The following INTS3 variants were observed in gnomAD, a reference collection of about 807,000 sequenced individuals.
The protein encoded by INTS3 is SOSS complex subunit A.
INTS3 carries 34 observed loss-of-function variants against 146.3 expected under a neutral mutation model. The observed-to-expected ratio is 0.23, with a 90% CI of 0.18 to 0.31. The LOEUF is 0.31. INTS3 is among the 10% of genes least tolerant of loss of function. The pLI is 1.00. For missense variants in INTS3, 757 were observed against 1,304.2 expected, an observed-to-expected ratio of 0.58 and a Z score of 6.46; for synonymous variants, 475 against 494.9, an observed-to-expected ratio of 0.96 and a Z score of 0.53.
At chr1:153,752,143 C>T (rs911921402) in intron 7 of INTS3, 136 bp from the exon 8 acceptor site, 8 of 896,778 alleles carry the variant, frequency 8.9e-6, no homozygotes, top group South Asian at 7.1e-5. Flanking sequence ...CCTTTGGTTC[C>T]AGAAGAAATC....
rs1385828293 is a variant in INTS3 at position 153,744,033 on chromosome 1, A to ATGTGTGTGTG, written c.318+2669_318+2670insTGTGTGTGTG. Among the ~76,000 whole-genome samples the ATGTGTGTGTG allele has an allele frequency of 3.5e-4, 36 of 102,408 alleles. 1 individual carries two copies. Among genetic ancestry groups the ATGTGTGTGTG allele is most frequent in the African/African-American group, 1.4e-3 (35 of 25,494 alleles). 67.2% of individuals were successfully genotyped at this position (102,408 alleles called of 152,430 possible). A position where few individuals can be genotyped will look rare whatever the true frequency, so the allele number is the denominator to read the frequency against. ...TCTCTTTTCCTCACTGAGGGTGTGCATGTGCGTGTGTGTGTGTGTGTGTGT... is the reference window on the plus strand; with the variant it reads ...TCTCTTTTCCTCACTGAGGGTGTGCATGTGTGTGTGTGTGCGTGTGTGTGTGTGTGTGTGT... On this transcript the variant is annotated intron_variant, in intron 3 of 29. Coordinates refer to ENST00000318967, the MANE Select transcript of INTS3 (RefSeq NM_023015.5).
intron 21 of INTS3, 27 bp downstream of exon 21, chr1:153,767,854 C>CG (rs764855970): frequency 3.8e-6 from 6 of 1,574,704 alleles, no homozygotes; most frequent in African/African-American, 1.3e-5. Context: ...GTATCTGTGC[C>CG]GGGGGGCTCA....
At chr1:153,768,378 C>G (rs956021934) in intron 21 of INTS3, among the ~76,000 whole-genome samples, 2 of 152,188 alleles carry the variant, frequency 1.3e-5, no homozygotes, top group Non-Finnish European at 2.9e-5. Flanking sequence ...CAGCCGAGTA[C>G]TGGAGGGAGG....
At position 153,772,578 on chromosome 1, in the gene INTS3, T is replaced by C; in HGVS notation, c.2822-61T>C. The C allele has an allele frequency of 6.2e-7, 1 of 1,613,008 alleles. No individual in the cohort carries two copies. The highest frequency in any genetic ancestry group is 1.1e-5 in the South Asian group (1 of 90,978). The stretch of plus-strand genomic sequence containing the variant: ...GGATAAAACAACCTGTGCGTGCTGT[T>C]TAATAAGCTCCCAGACATCTGATTG... On this transcript the variant is annotated intron_variant, in intron 27 of 29. Coordinates refer to ENST00000318967, the MANE Select transcript of INTS3 (RefSeq NM_023015.5). This position sits in a 1 kb window ranked among gnomAD's most constrained non-coding sequence, Gnocchi z 4.6.
In INTS3 at chr1:153,746,985, G is replaced by A. The variant is rs769418464; in HGVS notation, c.347G>A (p.Arg116His). The part of the protein sequence containing the change: ...KCYRDLALVS[R>H]DGMNIVLNKI... ...TACCGGGACTTAGCTCTGGTGAGTC[G>A]TGATGGCATGAATATTGTCCTGAAT... is the stretch of plus-strand genomic sequence containing the variant. Residue 116 changes from arginine to histidine, a missense_variant, in exon 4 of 30, where the codon CGT (arginine) becomes CAT (histidine). Around this residue, in one of 8 missense-constraint regions of INTS3, gnomAD observed 160 missense variants for 193.7 expected, o/e 0.83. Transcript: ENST00000318967. The A allele has an allele frequency of 1.7e-5, 28 of 1,613,594 alleles. No homozygotes were observed. Among genetic ancestry groups the A allele is most frequent in the Admixed American group, 3.3e-5 (2 of 59,978 alleles).
At chr1:153,754,222 T>C (rs1450873906) in intron 8 of INTS3, among the ~76,000 whole-genome samples, 2 of 152,178 alleles carry the variant, frequency 1.3e-5, no homozygotes, top group Non-Finnish European at 2.9e-5. Flanking sequence ...TGAGCTACAA[T>C]AGGATCTGGA....
intron 1 of INTS3, among the ~76,000 whole-genome samples, chr1:153,732,157 CCTT>C (rs1286795510): frequency 6.6e-6 from 1 of 152,024 alleles, no homozygotes; most frequent in Non-Finnish European, 1.5e-5. Context: ...CCTGCCTTGG[CCTT>C]CCAAATTGCT....
rs1012625990 is a variant in INTS3 at position 153,763,722 on chromosome 1, T to C, written c.1767-110T>C. ...AAGCTGGGATTTTACACAGAGCTCCTTTGTTTTGTCTCTGTGCATGTGAGT... is the reference window on the plus strand; with the variant it reads ...AAGCTGGGATTTTACACAGAGCTCCCTTGTTTTGTCTCTGTGCATGTGAGT... On this transcript the variant is annotated intron_variant, in intron 16 of 29. Coordinates refer to ENST00000318967, the MANE Select transcript of INTS3 (RefSeq NM_023015.5). 9.4e-6 allele frequency: 9 copies of C among 955,702 alleles called. No individual in the cohort carries two copies. In the Admixed American group the frequency reaches 1.8e-4, roughly 19 times the overall value. 59.2% of individuals were successfully genotyped at this position (955,702 alleles called of 1,614,324 possible).
At chr1:153,764,548 C>G in intron 18 of INTS3, 142 bp from the exon 19 acceptor site, 1 of 765,066 alleles carries the variant, frequency 1.3e-6, no homozygotes, top group Non-Finnish European at 2.4e-6. Context: ...CCTGTTTTCT[C>G]TGTTACCAAG....
At chr1:153,762,314 G>A (rs1398651678) in intron 14 of INTS3, among the ~76,000 whole-genome samples, 1 of 152,150 alleles carries the variant, frequency 6.6e-6, no homozygotes, top group East Asian at 1.9e-4. Context: ...GTATTTGGCG[G>A]GCACCTGTAG....
At chr1:153,747,417 A>C in intron 5 of INTS3, 54 bp downstream of exon 5, 1 of 1,311,636 alleles carries the variant, frequency 7.6e-7, no homozygotes, top group Non-Finnish European at 1.1e-6. Flanking sequence ...CAGAGACTAC[A>C]TAGAGACAAT....
chr1:153,748,994 A>G (rs1671858008), intron 6 of INTS3, among the ~76,000 whole-genome samples: 1 of 152,216 alleles, frequency 6.6e-6, no homozygotes, highest in Non-Finnish European at 1.5e-5. Flanking sequence ...AACTGGCTTC[A>G]TCTGATAAGG....
intron 5 of INTS3, chr1:153,748,068 A>C (rs750300097): frequency 3.2e-5 from 5 of 156,070 alleles, no homozygotes; most frequent in Admixed American, 6.2e-5. Flanking sequence ...GTGAACATTG[A>C]ATTTTTTAAT....
At position 153,762,712 on chromosome 1, in the gene INTS3, T is replaced by A. The variant is rs754105556; in HGVS notation, c.1517-16T>A. 2 of 1,613,720 alleles carry A rather than the reference T, an allele frequency of 1.2e-6. No individual in the cohort carries two copies. Among genetic ancestry groups the A allele is most frequent in the South Asian group, 2.2e-5 (2 of 91,030 alleles). On this transcript the variant is annotated splice_polypyrimidine_tract_variant and intron_variant, in intron 14 of 29. Transcript: ENST00000318967. ...CCAGGAGGCCATTAAATGCCTTATC[T>A]TTTTTTACTCCCAAGTCAAAATTGA...
At chr1:153,753,134 A>C (rs1292383036) in intron 8 of INTS3, among the ~76,000 whole-genome samples, 1 of 152,144 alleles carries the variant, frequency 6.6e-6, no homozygotes, top group Non-Finnish European at 1.5e-5. Flanking sequence ...TGGAAATTGT[A>C]GTACTCTTAT....
chr1:153,773,111 A>G (rs1439429296), intron 29 of INTS3, 30 bp downstream of exon 29: 9 of 1,613,972 alleles, frequency 5.6e-6, no homozygotes, highest in Non-Finnish European at 7.6e-6. Context: ...ACAGGGGGAA[A>G]AGGAGCACTG....
rs1242899006 is a variant in INTS3 at position 153,748,904 on chromosome 1, TTGGCAA to T, written c.584+150_584+155del. 3 of 704,452 alleles carry T rather than the reference TTGGCAA, an allele frequency of 4.3e-6. No homozygotes were observed. In the African/African-American group the frequency reaches 5.3e-5, roughly 12 times the overall value. The allele number at this position is 704,452 out of a possible 1,614,324, so 43.6% of individuals were successfully genotyped here. On this transcript the variant is annotated intron_variant, in intron 6 of 29. Coordinates refer to ENST00000318967, the MANE Select transcript of INTS3 (RefSeq NM_023015.5). The stretch of plus-strand genomic sequence containing the variant: ...AGGAGAGGGAGAGACAAGTGTATTG[TTGGCAA>T]GTGAAGAAATTAATGCCCAAGGAAT...
intron 1 of INTS3, among the ~76,000 whole-genome samples, chr1:153,738,347 G>A (rs376168976): frequency 2.4e-4 from 36 of 152,282 alleles, no homozygotes; most frequent in African/African-American, 8.7e-4. Flanking sequence ...CAGTCCTCCT[G>A]CCTCCCAAAG....
Position 153,773,400 on chromosome 1 carries a change from G to T in INTS3, c.*130G>T. On this transcript the variant is annotated 3_prime_UTR_variant, in exon 30 of 30. Transcript: ENST00000318967. ...CATCCCCAAGCTCCCCCGGTGGAAG[G>T]AGGAGCTTTCTCCTCTGGCTGAGTT... is the stretch of plus-strand genomic sequence containing the variant. The T allele has an allele frequency of 1.1e-6, 1 of 876,174 alleles. No individual in the cohort carries two copies. Among genetic ancestry groups the T allele is most frequent in the Non-Finnish European group, 1.9e-6 (1 of 538,902 alleles). 54.3% of individuals were successfully genotyped at this position (876,174 alleles called of 1,614,324 possible).
Sources: gnomAD v4.1 joint callset for allele counts (sites outside exome capture counted in the v4.1 genomes callset) on GRCh38, gnomAD v4.1.1 for gene constraint, gnomAD v4.1.1 regional missense constraint, Gnocchi (gnomAD v3.1) non-coding constraint, MANE v1.5 for transcripts, NCBI Gene and HGNC (gene_info 2026-07-23, HGNC 2026-07-21) for gene names.